SPIN1: variants seen among roughly 807,000 people sequenced by gnomAD.
SPIN1 encodes spindlin 1, also known as spindlin-1.
A neutral mutation model predicts 26.0 loss-of-function variants in SPIN1; 3 were observed. The observed-to-expected ratio is 0.12, with a 90% CI of 0.05 to 0.30. The LOEUF is 0.30. SPIN1 is among the 10% of genes least tolerant of loss of function. SPIN1 has a pLI of 1.00. For missense variants in SPIN1, 126 were observed against 333.4 expected (o/e 0.38, Z 4.84); for synonymous variants, 101 against 116.5 (o/e 0.87, Z 0.86).
At chr9:88,401,020 G>A (rs970791932) in intron 1 of SPIN1, among the ~76,000 whole-genome samples, 2 of 152,072 alleles carry the variant, frequency 1.3e-5, no homozygotes, top group African/African-American at 4.8e-5. Flanking sequence ...TAAAATATTA[G>A]TTCATAAGGA....
chr9:88,391,185 A>G (rs1348001740), intron 1 of SPIN1, among the ~76,000 whole-genome samples: 2 of 152,184 alleles, frequency 1.3e-5, no homozygotes, highest in Non-Finnish European at 2.9e-5. Flanking sequence ...AATACATTCA[A>G]GCTACATAGA....
At chr9:88,431,490 A>G (rs1204339228) in intron 2 of SPIN1, among the ~76,000 whole-genome samples, 1 of 151,304 alleles carries the variant, frequency 6.6e-6, no homozygotes, top group Non-Finnish European at 1.5e-5. Flanking sequence ...GGGTTTCTCC[A>G]TGTTGGTCAG....
chr9:88,431,067 T>C (rs1827858877), intron 2 of SPIN1, among the ~76,000 whole-genome samples: 1 of 152,048 alleles, frequency 6.6e-6, no homozygotes, highest in South Asian at 2.1e-4. Context: ...GCATTTTTAG[T>C]AGAGACGGGG....
intron 1 of SPIN1, among the ~76,000 whole-genome samples, chr9:88,408,674 C>T (rs1827365674): frequency 6.8e-6 from 1 of 146,562 alleles, no homozygotes. Context: ...CATGCCTGGC[C>T]CTTTTTTTTT....
Position 88,424,925 on chromosome 9 carries a change from A to G in SPIN1, c.-158-1457A>G, listed in dbSNP as rs1169223857. Among the ~76,000 whole-genome samples, 3 of 152,198 alleles carry G rather than the reference A, an allele frequency of 2.0e-5. No individual in the cohort carries two copies. In the South Asian group the frequency reaches 6.2e-4, roughly 31 times the overall value. On this transcript the variant is annotated intron_variant, in intron 1 of 5. Transcript: ENST00000375859. The stretch of plus-strand genomic sequence containing the variant: ...CATAATCTTCAACAAATGAGTGCTG[A>G]TGACGGAAGATTCACAGGTAGAAAA...
At chr9:88,442,611 C>G (rs1326740578) in intron 2 of SPIN1, among the ~76,000 whole-genome samples, 4 of 151,988 alleles carry the variant, frequency 2.6e-5, no homozygotes, top group Admixed American at 2.0e-4. Flanking sequence ...TCTCAAACTC[C>G]TGACCTCAAG....
intron 1 of SPIN1, among the ~76,000 whole-genome samples, chr9:88,401,094 G>A (rs1359182054): frequency 6.6e-6 from 1 of 152,162 alleles, no homozygotes; most frequent in East Asian, 1.9e-4. Context: ...TACTTTGCTA[G>A]GACCTTTTTG....
chr9:88,472,353 G>C (rs1302420190), intron 5 of SPIN1, among the ~76,000 whole-genome samples: 1 of 152,132 alleles, frequency 6.6e-6, no homozygotes, highest in Admixed American at 6.5e-5. Flanking sequence ...TCCTGCCTCA[G>C]CCTCCCGGGT....
At chr9:88,390,172 C>CA (rs1432569720) in intron 1 of SPIN1, among the ~76,000 whole-genome samples, 1 of 152,146 alleles carries the variant, frequency 6.6e-6, no homozygotes, top group African/African-American at 2.4e-5. Context: ...TATATGTCTT[C>CA]AGTCATCTTT....
intron 1 of SPIN1, among the ~76,000 whole-genome samples, chr9:88,389,041 G>T (rs1417792118): frequency 6.6e-6 from 1 of 151,820 alleles, no homozygotes; most frequent in Admixed American, 6.6e-5. Flanking sequence ...CGGCGCGACG[G>T]GTCGGGTCAC....
At chr9:88,415,004 A>G (rs1827529870) in intron 1 of SPIN1, among the ~76,000 whole-genome samples, 1 of 152,108 alleles carries the variant, frequency 6.6e-6, no homozygotes, top group Non-Finnish European at 1.5e-5. Context: ...CCTGGGTTCA[A>G]GCAGTTTTCC....
At position 88,470,323 on chromosome 9, in the gene SPIN1, A is replaced by G. The variant is rs144605076; in HGVS notation, c.589+1718A>G. 7.4e-3 allele frequency among the ~76,000 whole-genome samples: 1,132 copies of G among 152,268 alleles called. 16 individuals carry two copies. The highest frequency in any genetic ancestry group is 0.025 in the African/African-American group (1,057 of 41,536). On this transcript the variant is annotated intron_variant, in intron 5 of 5. Transcript: ENST00000375859. ...TGGACATGTTTTATTTCCTTTGGGT[A>G]TATACCTAGGAGTGGAGTTGCTGGG...
At chr9:88,466,427 A>T (rs935979030) in intron 4 of SPIN1, among the ~76,000 whole-genome samples, 19 of 152,006 alleles carry the variant, frequency 1.2e-4, no homozygotes, top group African/African-American at 4.6e-4. Flanking sequence ...AAGTGCTAGG[A>T]TTATAGATGT....
chr9:88,446,251 T>C (rs1488602761), intron 2 of SPIN1, among the ~76,000 whole-genome samples: 1 of 152,202 alleles, frequency 6.6e-6, no homozygotes, highest in Non-Finnish European at 1.5e-5. Flanking sequence ...TGTGGTAATA[T>C]TGTTTGTCTT....
At chr9:88,399,512 G>A (rs1291501623) in intron 1 of SPIN1, among the ~76,000 whole-genome samples, 1 of 152,148 alleles carries the variant, frequency 6.6e-6, no homozygotes, top group Admixed American at 6.6e-5. Context: ...GCTTGTGTGG[G>A]TGGCCTGTAA....
At chr9:88,463,200 G>A (rs914397317) in intron 4 of SPIN1, among the ~76,000 whole-genome samples, 1 of 152,086 alleles carries the variant, frequency 6.6e-6, no homozygotes, top group East Asian at 1.9e-4. Flanking sequence ...CAACCAAAAC[G>A]TGGTCTTTAT....
chr9:88,394,841 G>T lies in SPIN1; in HGVS notation c.-159+6303G>T, dbSNP rs763441133. 2.3e-5 allele frequency among the ~76,000 whole-genome samples: 3 copies of T among 133,168 alleles called. No homozygotes were observed. The Admixed American group carries it at 2.5e-4, about 11-fold the overall frequency. The allele number at this position is 133,168 out of a possible 152,430, so 87.4% of individuals were successfully genotyped here. On this transcript the variant is annotated intron_variant, in intron 1 of 5. Transcript: ENST00000375859. Reference sequence around the variant, plus strand: ...TTTTTTTTTTTTGAGACAGAGTCTCGCTCTGTCGCCCAGGCTGGAGTCCAG... The same window carrying T: ...TTTTTTTTTTTTGAGACAGAGTCTCTCTCTGTCGCCCAGGCTGGAGTCCAG...
At chr9:88,466,857 T>C (rs966994450) in intron 4 of SPIN1, among the ~76,000 whole-genome samples, 7 of 152,268 alleles carry the variant, frequency 4.6e-5, no homozygotes, top group African/African-American at 1.4e-4. Flanking sequence ...CACCTGAGCC[T>C]TCTCAGTAGC....
chr9:88,417,618 A>G (rs7025633), intron 1 of SPIN1, among the ~76,000 whole-genome samples: 50,343 of 151,962 alleles, frequency 0.33, 15,733 homozygotes, highest in African/African-American at 0.83. Context: ...GACTACAGGC[A>G]CGTGCCACCA....
Sources: gnomAD v4.1 joint callset for allele counts (sites outside exome capture counted in the v4.1 genomes callset) on GRCh38, gnomAD v4.1.1 for gene constraint, MANE v1.5 for transcripts, NCBI Gene and HGNC (gene_info 2026-07-23, HGNC 2026-07-21) for gene names.